Variants in ADCY9 observed in about 807,000 individuals in gnomAD.
ADCY9 encodes the protein adenylate cyclase type 9.
A neutral mutation model predicts 101.5 loss-of-function variants in ADCY9; 50 were observed. The observed-to-expected ratio is 0.49, with a 90% confidence interval of 0.39 to 0.62. ADCY9 has a LOEUF of 0.62. ADCY9 is among the 20% of genes least tolerant of loss of function. ADCY9 has a pLI of 0.00. For synonymous variants in ADCY9, 905 were observed against 769.3 expected (o/e 1.18, Z -2.92); for missense variants, 1,662 against 1,800.4 (o/e 0.92, Z 1.39).
downstream of ADCY9, among the ~76,000 whole-genome samples, chr16:3,958,374 A>G (rs2055918976): frequency 6.6e-6 from 1 of 151,914 alleles, no homozygotes; most frequent in African/African-American, 2.4e-5. Flanking sequence ...CTCCATCTCT[A>G]CTAAAAATAC....
chr16:3,956,938 C>G (rs893130359), intron 5 of ADCY9, among the ~76,000 whole-genome samples: 6 of 152,090 alleles, frequency 3.9e-5, no homozygotes, highest in African/African-American at 1.4e-4. Flanking sequence ...AAACATTTCT[C>G]CATTCTAAGC....
intron 2 of ADCY9, among the ~76,000 whole-genome samples, chr16:4,031,276 G>C (rs375254397): frequency 6.9e-4 from 105 of 152,274 alleles, no homozygotes; most frequent in African/African-American, 2.5e-3. Context: ...GAATTTAAGG[G>C]TGCAGGGCCA....
chr16:4,006,490 A>G (rs1803158233), intron 3 of ADCY9, among the ~76,000 whole-genome samples: 1 of 152,170 alleles, frequency 6.6e-6, no homozygotes, highest in African/African-American at 2.4e-5. Flanking sequence ...GTAAATACCA[A>G]TAGCGGCTTT....
intron 2 of ADCY9, among the ~76,000 whole-genome samples, chr16:4,076,238 C>T (rs929092692): frequency 2.6e-5 from 4 of 152,142 alleles, no homozygotes; most frequent in Non-Finnish European, 5.9e-5. Context: ...AATTAGTGCC[C>T]AATTTCTCAG....
chr16:4,097,819 T>C (rs151048921), intron 2 of ADCY9, among the ~76,000 whole-genome samples: 24 of 152,070 alleles, frequency 1.6e-4, no homozygotes, highest in Non-Finnish European at 3.1e-4. Context: ...AGTGCTGGGA[T>C]TACAGGCATG....
chr16:4,023,046 T>C (rs2056488703), intron 2 of ADCY9, among the ~76,000 whole-genome samples: 1 of 152,160 alleles, frequency 6.6e-6, no homozygotes, highest in Non-Finnish European at 1.5e-5. Flanking sequence ...CGGTGGTCCA[T>C]CTGCAAACAG....
Position 3,992,498 on chromosome 16 carries a change from AC to A in ADCY9, c.1990-136del. ...CGTGGGACTTTCTGACCTGCGAGGA[AC>A]CCCCACCCCCCTGCGCCTACAGACC... is the stretch of plus-strand genomic sequence containing the variant. On this transcript the variant is annotated intron_variant, in intron 4 of 10. Coordinates refer to ENST00000294016, the MANE Select transcript of ADCY9 (RefSeq NM_001116.4). This position sits in a 1 kb window ranked among gnomAD's most constrained non-coding sequence, Gnocchi z 4.2. 2 of 747,860 alleles carry A rather than the reference AC, an allele frequency of 2.7e-6. No homozygotes were observed. Among genetic ancestry groups the A allele is most frequent in the Non-Finnish European group, 4.3e-6 (2 of 466,266 alleles). The allele number at this position is 747,860 out of a possible 1,614,324, so 46.3% of individuals were successfully genotyped here. A position where few individuals can be genotyped will look rare whatever the true frequency, so the allele number is the denominator to read the frequency against.
At chr16:3,958,264 G>A (rs935464454), downstream of ADCY9, among the ~76,000 whole-genome samples, 2 of 152,096 alleles carry the variant, frequency 1.3e-5, no homozygotes, top group African/African-American at 4.8e-5. Flanking sequence ...TGGATGGGCC[G>A]GGCACGGTAG....
chr16:4,013,040 C>T (rs906562221), intron 2 of ADCY9, among the ~76,000 whole-genome samples: 4 of 151,922 alleles, frequency 2.6e-5, no homozygotes, highest in African/African-American at 4.8e-5. Context: ...TCACTTGAGC[C>T]CAGGAGTTTG....
chr16:3,993,058 G>C (rs73508332), intron 4 of ADCY9, among the ~76,000 whole-genome samples: 2,691 of 152,072 alleles, frequency 0.018, 78 homozygotes, highest in African/African-American at 0.062. Flanking sequence ...TCGCCGTGAA[G>C]ACCCCCTCTT....
chr16:4,041,912 C>A (rs2056629610), intron 2 of ADCY9, among the ~76,000 whole-genome samples: 1 of 140,814 alleles, frequency 7.1e-6, no homozygotes, highest in Admixed American at 7.8e-5. Context: ...CCACTGCCCC[C>A]AGCTAAGTTT....
intron 2 of ADCY9, among the ~76,000 whole-genome samples, chr16:4,008,536 C>A (rs1202855892): frequency 6.6e-6 from 1 of 151,356 alleles, no homozygotes; most frequent in Non-Finnish European, 1.5e-5. Context: ...ATGCCACACA[C>A]CGAGAATAAA....
At chr16:3,993,090 C>A (rs2531978) in intron 4 of ADCY9, among the ~76,000 whole-genome samples, 147,060 of 152,106 alleles carry the variant, frequency 0.97, 71,259 homozygotes, top group East Asian at 1. Context: ...TCTATATTCT[C>A]TCATAAACTG....
intron 6 of ADCY9, among the ~76,000 whole-genome samples, chr16:3,986,509 G>C (rs1390309879): frequency 2.6e-5 from 4 of 151,968 alleles, no homozygotes; most frequent in East Asian, 1.9e-4. Context: ...GAGTGCAATA[G>C]TGCAACGGCA....
intron 2 of ADCY9, among the ~76,000 whole-genome samples, chr16:4,013,206 C>T (rs2056414968): frequency 6.6e-6 from 1 of 151,698 alleles, no homozygotes. Flanking sequence ...TGTGAGTGCG[C>T]CGTTGCACTC....
chr16:3,979,115 C>A lies in ADCY9; in HGVS notation c.2679+1G>T. 6.2e-7 allele frequency: 1 copy of A among 1,614,172 alleles called. No homozygotes were observed. The highest frequency in any genetic ancestry group is 8.5e-7 in the Non-Finnish European group (1 of 1,180,026). On this transcript the variant is annotated splice_donor_variant, in intron 8 of 10. Coordinates refer to ENST00000294016, the MANE Select transcript of ADCY9 (RefSeq NM_001116.4). LOFTEE classifies it high-confidence loss of function. ...AATAAAACGGCTGAGCCTTTACTTA[C>A]GTGTATGTTGGTCTCATATTCGGAG...
chr16:4,001,547 GC>G (rs1416496657), intron 3 of ADCY9, among the ~76,000 whole-genome samples: 4 of 151,816 alleles, frequency 2.6e-5, no homozygotes, highest in South Asian at 2.1e-4. Context: ...TTCCTACCCC[GC>G]CCCCCACCTT....
At chr16:3,956,502 T>TTTTTTTTTTTTTTTTG (rs1410345117) in intron 5 of ADCY9, among the ~76,000 whole-genome samples, 1 of 90,754 alleles carries the variant, frequency 1.1e-5, no homozygotes, top group Non-Finnish European at 2.7e-5. Flanking sequence ...TTTTTTTTTT[T>TTTTTTTTTTTTTTTTG]TGGGGGGGGA....
chr16:4,012,412 T>C (rs1231311617), intron 2 of ADCY9, among the ~76,000 whole-genome samples: 4 of 144,968 alleles, frequency 2.8e-5, no homozygotes, highest in African/African-American at 1.0e-4. Context: ...ATTTAATGAA[T>C]AACCACACAC....
Sources: gnomAD v4.1 joint callset for allele counts (sites outside exome capture counted in the v4.1 genomes callset) on GRCh38, gnomAD v4.1.1 for gene constraint, Gnocchi (gnomAD v3.1) non-coding constraint, MANE v1.5 for transcripts, NCBI Gene and HGNC (gene_info 2026-07-23, HGNC 2026-07-21) for gene names.